NDFIP2: variants seen among roughly 807,000 people sequenced by gnomAD.
The protein encoded by NDFIP2 is Nedd4 family interacting protein 2.
Under a neutral mutation model 36.0 loss-of-function variants are expected in NDFIP2, and 19 were observed. The observed-to-expected ratio is 0.53, with a 90% CI of 0.37 to 0.77. The LOEUF is 0.77. Among genes scored for constraint, NDFIP2 ranks in the 30% least tolerant of loss-of-function variants. The probability of loss-of-function intolerance (pLI) is 0.00; values close to 1 mark genes in which losing one functional copy is unlikely to be tolerated. For synonymous variants in NDFIP2, 181 were observed against 167.7 expected (o/e 1.08, Z -0.61); for missense variants, 446 against 435.8 (o/e 1.02, Z -0.21).
At position 79,509,690 on chromosome 13, in the gene NDFIP2, T is replaced by TAGAG. The variant is rs71106101; in HGVS notation, c.322-11106_322-11103dup. Among the ~76,000 whole-genome samples, 430 of 147,912 alleles carry TAGAG rather than the reference T, an allele frequency of 2.9e-3. 3 individuals are homozygous for TAGAG. Among genetic ancestry groups the TAGAG allele is most frequent in the African/African-American group, 9.6e-3 (380 of 39,784 alleles). ...TGTATATTATCGATATATATATATA[T>TAGAG]AGAGAGAGAGAGAGAGAAGTTTATT... On this transcript the variant is annotated intron_variant, in intron 1 of 7. Coordinates refer to ENST00000218652, the MANE Select transcript of NDFIP2 (RefSeq NM_019080.3).
At chr13:79,524,789 G>A (rs1346334041) in intron 2 of NDFIP2, among the ~76,000 whole-genome samples, 1 of 152,106 alleles carries the variant, frequency 6.6e-6, no homozygotes, top group Non-Finnish European at 1.5e-5. Context: ...TTCTTTGAGG[G>A]CACATGGATT....
Position 79,533,357 on chromosome 13 carries a change from A to G in NDFIP2, c.522A>G (p.Pro174=). The part of the protein sequence containing the change: ...TEVYGEFYPV[P]PPYSVATSLP... ...TTTACGGTGAGTTTTATCCCGTGCC[A>G]CCTCCCTATAGCGTTGCTACCTCTC... The change falls in exon 3 of 8, where the codon CCA becomes CCG. Residue 174 remains proline (P), a synonymous_variant. Transcript: ENST00000218652. 2 of 1,609,548 alleles carry G rather than the reference A, an allele frequency of 1.2e-6. No individual in the cohort carries two copies. The highest frequency in any genetic ancestry group is 1.7e-6 in the Non-Finnish European group (2 of 1,177,696).
intron 1 of NDFIP2, among the ~76,000 whole-genome samples, chr13:79,487,910 C>T (rs1350254174): frequency 6.6e-6 from 1 of 152,048 alleles, no homozygotes; most frequent in Admixed American, 6.6e-5. Flanking sequence ...AAATCCTGTT[C>T]TTAAATGTAA....
intron 3 of NDFIP2, among the ~76,000 whole-genome samples, chr13:79,533,998 A>C (rs1875125401): frequency 6.6e-6 from 1 of 152,010 alleles, no homozygotes; most frequent in Non-Finnish European, 1.5e-5. Flanking sequence ...TTATCCCTTG[A>C]CTTCCTCTTT....
chr13:79,517,136 C>G (rs976318973), intron 1 of NDFIP2, among the ~76,000 whole-genome samples: 5 of 152,000 alleles, frequency 3.3e-5, no homozygotes, highest in African/African-American at 1.2e-4. Flanking sequence ...TCGGTTCATT[C>G]ACTATACAAC....
chr13:79,512,449 A>T (rs1874113578), intron 1 of NDFIP2, among the ~76,000 whole-genome samples: 1 of 151,916 alleles, frequency 6.6e-6, no homozygotes, highest in African/African-American at 2.4e-5. Context: ...CTGGCTTTTG[A>T]GGAAAAAAAA....
intron 2 of NDFIP2, 152 bp from the exon 3 acceptor site, chr13:79,533,171 A>T (rs776732081): frequency 7.1e-5 from 32 of 453,618 alleles, no homozygotes; most frequent in Middle Eastern, 6.4e-4. Context: ...TATGATTGTA[A>T]TAGTAATTTA....
At position 79,481,271 on chromosome 13, in the gene NDFIP2, C is replaced by A. The variant is rs1331418284; in HGVS notation, c.68C>A (p.Ala23Asp). The part of the protein sequence containing the change: ...GPSMLNSARG[A>D]PELLRGTATN... ...AGCATGCTCAATAGCGCGCGCGGCG[C>A]CCCGGAGCTTCTCCGCGGAACCGCG... Residue 23 changes from alanine to aspartate, a missense_variant, in exon 1 of 8, where the codon GCC becomes GAC. Transcript: ENST00000218652. 1.4e-5 allele frequency: 21 copies of A among 1,536,906 alleles called. No individual in the cohort carries two copies. Among genetic ancestry groups the A allele is most frequent in the South Asian group, 6.0e-5 (5 of 83,958 alleles).
At chr13:79,505,807 C>T (rs1409141250) in intron 1 of NDFIP2, among the ~76,000 whole-genome samples, 1 of 151,664 alleles carries the variant, frequency 6.6e-6, no homozygotes, top group African/African-American at 2.4e-5. Context: ...AAAAAAAAGC[C>T]CTTATGAATC....
intron 3 of NDFIP2, among the ~76,000 whole-genome samples, chr13:79,538,874 G>A (rs1417850282): frequency 2.0e-5 from 3 of 152,192 alleles, no homozygotes; most frequent in Admixed American, 6.5e-5. Context: ...GAGCCACAGC[G>A]CCTGGCCAGA....
intron 4 of NDFIP2, among the ~76,000 whole-genome samples, chr13:79,542,963 A>G (rs1381797207): frequency 1.3e-5 from 2 of 149,828 alleles, no homozygotes; most frequent in Non-Finnish European, 3.0e-5. Flanking sequence ...TGCAACCTCT[A>G]CCTCCCAGGT....
At chr13:79,522,599 C>T (rs948876311) in intron 2 of NDFIP2, among the ~76,000 whole-genome samples, 7 of 152,160 alleles carry the variant, frequency 4.6e-5, no homozygotes, top group African/African-American at 7.2e-5. Context: ...TGACTGTTGT[C>T]TGATGGTGGC....
At chr13:79,549,371 T>C (rs1272275536) in intron 6 of NDFIP2, among the ~76,000 whole-genome samples, 1 of 152,014 alleles carries the variant, frequency 6.6e-6, no homozygotes, top group Non-Finnish European at 1.5e-5. Context: ...TTATAAAGTC[T>C]ATTAAGTATT....
In NDFIP2 at chr13:79,551,034, A is replaced by C. The variant is rs768336322; in HGVS notation, c.925A>C (p.Arg309=). 5.6e-6 allele frequency: 9 copies of C among 1,599,128 alleles called. No individual in the cohort carries two copies. Among genetic ancestry groups the C allele is most frequent in the Non-Finnish European group, 7.7e-6 (9 of 1,172,162 alleles). ...CTTCTCAGGCCTGCTCCTTTTCTTC[A>C]GAGGATTTGTTAATTATCTAAAAGT... ...FLVLGLLLFF[R]GFVNYLKVRN... The change falls in exon 7 of 8, where the codon AGA becomes CGA. Residue 309 remains arginine (R), a synonymous_variant. Coordinates refer to ENST00000218652, the MANE Select transcript of NDFIP2 (RefSeq NM_019080.3).
rs914621560 is a variant in NDFIP2 at position 79,481,652 on chromosome 13, T to G, written c.321+128T>G. On this transcript the variant is annotated intron_variant, in intron 1 of 7. Coordinates refer to ENST00000218652, the MANE Select transcript of NDFIP2 (RefSeq NM_019080.3). The stretch of plus-strand genomic sequence containing the variant: ...TTTGTTGTGTTTTGTTTTGTTTTTT[T>G]GGATCTTCTGGCTGGAGCTGCTTCA... The G allele has an allele frequency of 1.0e-5, 12 of 1,180,512 alleles. No individual in the cohort carries two copies. The African/African-American group carries it at 1.9e-4, about 19-fold the overall frequency. The allele number at this position is 1,180,512 out of a possible 1,614,324, so 73.1% of individuals were successfully genotyped here.
chr13:79,507,963 A>T (rs916674483), intron 1 of NDFIP2, among the ~76,000 whole-genome samples: 2 of 151,958 alleles, frequency 1.3e-5, no homozygotes, highest in African/African-American at 4.8e-5. Context: ...TTGAATACTT[A>T]CATGTATGCC....
intron 2 of NDFIP2, among the ~76,000 whole-genome samples, chr13:79,522,153 TTA>T (rs1874611813): frequency 6.6e-6 from 1 of 152,186 alleles, no homozygotes; most frequent in South Asian, 2.1e-4. Flanking sequence ...TATAAAATGT[TTA>T]TTTGATGATT....
chr13:79,539,555 T>A, intron 3 of NDFIP2, 127 bp from the exon 4 acceptor site: 1 of 676,712 alleles, frequency 1.5e-6, no homozygotes, highest in South Asian at 1.8e-5. Flanking sequence ...CCAGACATTG[T>A]ACTCATTATT....
At position 79,554,073 on chromosome 13, in the gene NDFIP2, A is replaced by T. The variant is rs1276419139; in HGVS notation, c.*1560A>T. On this transcript the variant is annotated 3_prime_UTR_variant, in exon 8 of 8. Transcript: ENST00000218652. ...TTTCATTGTCTTTGATAAATAAAAC[A>T]GTTTTGTTTTGCTAATATAGCCTAT... 3 of 151,542 alleles carry T rather than the reference A, an allele frequency of 2.0e-5. No homozygotes were observed. The highest frequency in any genetic ancestry group is 3.0e-5 in the Non-Finnish European group (2 of 67,612). 9.4% of individuals were successfully genotyped at this position (151,542 alleles called of 1,614,324 possible). A position where few individuals can be genotyped will look rare whatever the true frequency, so the allele number is the denominator to read the frequency against.
Sources: gnomAD v4.1 joint callset for allele counts (sites outside exome capture counted in the v4.1 genomes callset) on GRCh38, gnomAD v4.1.1 for gene constraint, MANE v1.5 for transcripts, NCBI Gene and HGNC (gene_info 2026-07-23, HGNC 2026-07-21) for gene names.